OPCML: variants seen among roughly 807,000 people sequenced by gnomAD.
The protein encoded by OPCML is opioid-binding protein/cell adhesion molecule.
Under a neutral mutation model 37.8 loss-of-function variants are expected in OPCML, and 13 were observed. The observed-to-expected ratio is 0.34, with a 90% confidence interval of 0.22 to 0.55. The LOEUF (loss-of-function observed/expected upper bound fraction) is 0.55, where lower values mean the gene tolerates loss of function less well. Ranked by LOEUF, OPCML falls within the 20% of genes least tolerant of loss-of-function variation. The pLI, the probability that OPCML is intolerant of heterozygous loss-of-function variation, is 0.91. For missense variants in OPCML, 341 were observed against 435.6 expected, an observed-to-expected ratio of 0.78 and a Z score of 1.93; for synonymous variants, 176 against 168.8, an observed-to-expected ratio of 1.04 and a Z score of -0.33.
chr11:133,362,076 G>C (rs538936138), intron 1 of OPCML: 2 of 152,472 alleles, frequency 1.3e-5, no homozygotes, highest in South Asian at 4.1e-4. Flanking sequence ...GTTGTCCCTG[G>C]AGCTGCACCC....
At chr11:132,800,913 A>AATAAGTTG (rs1173838782) in intron 2 of OPCML, among the ~76,000 whole-genome samples, 3 of 152,282 alleles carry the variant, frequency 2.0e-5, no homozygotes, top group African/African-American at 7.2e-5. Context: ...TACATGATAG[A>AATAAGTTG]ATAAGTTGGA....
chr11:132,481,717 A>G (rs12288648), intron 4 of OPCML, among the ~76,000 whole-genome samples: 29,813 of 147,554 alleles, frequency 0.2, 3,225 homozygotes, highest in East Asian at 0.35. Flanking sequence ...ATAACAAACT[A>G]TCTCTCAGAC....
intron 1 of OPCML, among the ~76,000 whole-genome samples, chr11:133,196,237 C>T (rs1414847257): frequency 6.6e-6 from 1 of 152,210 alleles, no homozygotes; most frequent in Non-Finnish European, 1.5e-5. Context: ...TAAATCGATT[C>T]TGCCCCTGAG....
intron 2 of OPCML, among the ~76,000 whole-genome samples, chr11:132,727,632 A>G (rs544478504): frequency 1.3e-5 from 2 of 152,318 alleles, no homozygotes; most frequent in East Asian, 1.9e-4. Flanking sequence ...ATCGAGTCCC[A>G]TGCCCATCAA....
chr11:133,148,394 C>A (rs1267759800), intron 1 of OPCML, among the ~76,000 whole-genome samples: 2 of 152,206 alleles, frequency 1.3e-5, no homozygotes, highest in Non-Finnish European at 2.9e-5. Flanking sequence ...CCTGTCGCCT[C>A]CAGATATCTG....
intron 1 of OPCML, among the ~76,000 whole-genome samples, chr11:133,393,759 A>T (rs1945226537): frequency 6.6e-6 from 1 of 152,210 alleles, no homozygotes; most frequent in Non-Finnish European, 1.5e-5. Flanking sequence ...TTCTGAACAT[A>T]ACTGGCTAAT....
intron 1 of OPCML, among the ~76,000 whole-genome samples, chr11:133,017,671 G>A (rs753042770): frequency 6.6e-6 from 1 of 152,178 alleles, no homozygotes; most frequent in Non-Finnish European, 1.5e-5. Context: ...TTACAGGCAT[G>A]AGCCACTGCG....
intron 3 of OPCML, among the ~76,000 whole-genome samples, chr11:132,587,552 ATGT>A (rs2096475655): frequency 6.6e-6 from 1 of 152,174 alleles, no homozygotes; most frequent in African/African-American, 2.4e-5. Context: ...ATGTGACCAG[ATGT>A]TGGAGGAGGA....
rs557951211 is a variant in OPCML at position 132,848,802 on chromosome 11, G to A, written c.146+94124C>T. Reference sequence around the variant, plus strand: ...TCTGAGCAAATCACTTTACTTCTCTGCCTTTCATTTCCTATAGAATGGTAA... The same window carrying A: ...TCTGAGCAAATCACTTTACTTCTCTACCTTTCATTTCCTATAGAATGGTAA... On this transcript the variant is annotated intron_variant, in intron 2 of 7. Coordinates refer to ENST00000524381, the MANE Select transcript of OPCML (RefSeq NM_001012393.5). 5.3e-5 allele frequency among the ~76,000 whole-genome samples: 8 copies of A among 152,286 alleles called. No homozygotes were observed. The South Asian group carries it at 1.2e-3, about 24-fold the overall frequency.
chr11:132,687,486 A>G (rs1044909444), intron 2 of OPCML, among the ~76,000 whole-genome samples: 2 of 145,058 alleles, frequency 1.4e-5, no homozygotes, highest in Non-Finnish European at 3.0e-5. Context: ...GATCCTTAAC[A>G]TAAATCCGAT....
chr11:132,656,177 C>T (rs1390808089), intron 3 of OPCML, among the ~76,000 whole-genome samples: 1 of 152,110 alleles, frequency 6.6e-6, no homozygotes, highest in African/African-American at 2.4e-5. Context: ...TGAGCCAACA[C>T]CTGACAGAAA....
At chr11:132,832,494 T>A (rs1940752653) in intron 2 of OPCML, among the ~76,000 whole-genome samples, 2 of 152,240 alleles carry the variant, frequency 1.3e-5, no homozygotes, top group South Asian at 4.1e-4. Context: ...TGAAATGATG[T>A]GCAACTTACA....
chr11:132,807,200 A>G (rs1939068095), intron 2 of OPCML, among the ~76,000 whole-genome samples: 1 of 152,184 alleles, frequency 6.6e-6, no homozygotes, highest in African/African-American at 2.4e-5. Context: ...ACTAGAAAAC[A>G]CACAATAGAG....
At chr11:133,009,415 T>A in intron 1 of OPCML, 1 of 199,098 alleles carries the variant, frequency 5.0e-6, no homozygotes, top group Non-Finnish European at 9.0e-6. Flanking sequence ...CTTTTGTTCC[T>A]AAAATCAACT....
At chr11:133,498,832 A>C (rs920330072) in intron 1 of OPCML, among the ~76,000 whole-genome samples, 1 of 152,234 alleles carries the variant, frequency 6.6e-6, no homozygotes, top group African/African-American at 2.4e-5. Context: ...ATCTGTGGTC[A>C]CTTTAGATGT....
chr11:132,498,613 T>C (rs570472570), intron 4 of OPCML, among the ~76,000 whole-genome samples: 2 of 152,168 alleles, frequency 1.3e-5, no homozygotes, highest in East Asian at 3.9e-4. Flanking sequence ...ACAGAGGAAG[T>C]TTGAATTTTC....
chr11:133,370,927 A>G (rs1944660872), intron 1 of OPCML, among the ~76,000 whole-genome samples: 1 of 152,222 alleles, frequency 6.6e-6, no homozygotes, highest in Non-Finnish European at 1.5e-5. Context: ...TTCATTTGGC[A>G]AGGGACTAAT....
intron 1 of OPCML, among the ~76,000 whole-genome samples, chr11:133,479,358 A>G (rs1311786144): frequency 6.6e-6 from 1 of 152,196 alleles, no homozygotes; most frequent in Admixed American, 6.5e-5. Context: ...GCACATCAGC[A>G]TACCACACCA....
chr11:133,140,916 A>AC lies in OPCML; in HGVS notation c.62-197907_62-197906insG, dbSNP rs1949790943. Among the ~76,000 whole-genome samples the AC allele has an allele frequency of 1.8e-4, 3 of 16,238 alleles. 1 individual carries two copies. The highest frequency in any genetic ancestry group is 5.2e-4 in the Non-Finnish European group (3 of 5,824). 10.7% of individuals were successfully genotyped at this position (16,238 alleles called of 152,430 possible). On this transcript the variant is annotated intron_variant, in intron 1 of 7. Coordinates refer to ENST00000524381, the MANE Select transcript of OPCML (RefSeq NM_001012393.5). Reference sequence around the variant, plus strand: ...ACGAAGACGACGACGACGAAGAAGAAGAAGACGACGACGACGAAGAAGAAG... The same window carrying AC: ...ACGAAGACGACGACGACGAAGAAGAACGAAGACGACGACGACGAAGAAGAAG...
Sources: gnomAD v4.1 joint callset for allele counts (sites outside exome capture counted in the v4.1 genomes callset) on GRCh38, gnomAD v4.1.1 for gene constraint, MANE v1.5 for transcripts, NCBI Gene and HGNC (gene_info 2026-07-23, HGNC 2026-07-21) for gene names.